NAALADL2: variants seen among roughly 807,000 people sequenced by gnomAD.
The protein encoded by NAALADL2 is inactive N-acetylated-alpha-linked acidic dipeptidase-like protein 2.
Under a neutral mutation model 87.2 loss-of-function variants are expected in NAALADL2, and 76 were observed. That is an observed-to-expected ratio of 0.87 (90% CI 0.72 to 1.05). The LOEUF is 1.05. Ranked by LOEUF, NAALADL2 falls within the 50% of genes least tolerant of loss-of-function variation. The pLI is 0.00. For synonymous variants in NAALADL2, 354 were observed against 331.0 expected, an observed-to-expected ratio of 1.07 and a Z score of -0.75; for missense variants, 1,089 against 945.8, an observed-to-expected ratio of 1.15 and a Z score of -1.99.
intron 10 of NAALADL2, among the ~76,000 whole-genome samples, chr3:175,626,824 T>A (rs1378537555): frequency 6.6e-6 from 1 of 151,888 alleles, no homozygotes; most frequent in Non-Finnish European, 1.5e-5. Context: ...ACACTCAGTA[T>A]ACTTCTAAGT....
At chr3:174,477,888 G>T (rs2108323176) in intron 1 of NAALADL2, among the ~76,000 whole-genome samples, 1 of 152,242 alleles carries the variant, frequency 6.6e-6, no homozygotes, top group Middle Eastern at 3.4e-3. Flanking sequence ...GTATTTCTAT[G>T]GGAACTGTTA....
In NAALADL2 at chr3:175,097,320, G is replaced by A. The variant is rs761609642; in HGVS notation, c.545+29G>A. On this transcript the variant is annotated intron_variant, in intron 2 of 13. Coordinates refer to ENST00000454872, the MANE Select transcript of NAALADL2 (RefSeq NM_207015.3). ...GGTGAAGAAGAAACAGATGTTGTTTGAATGCATTTCTTGGGAAAAATGTCT... is the reference window on the plus strand; with the variant it reads ...GGTGAAGAAGAAACAGATGTTGTTTAAATGCATTTCTTGGGAAAAATGTCT... 2.5e-6 allele frequency: 4 copies of A among 1,577,876 alleles called. No homozygotes were observed. The South Asian group carries it at 3.5e-5, about 14-fold the overall frequency.
chr3:175,373,076 CAACCA>C (rs1213349964), intron 5 of NAALADL2, among the ~76,000 whole-genome samples: 1 of 152,094 alleles, frequency 6.6e-6, no homozygotes, highest in Non-Finnish European at 1.5e-5. Context: ...ATTGAACATG[CAACCA>C]ATCAAAGCCA....
chr3:175,640,327 T>G (rs1357423235), intron 11 of NAALADL2, among the ~76,000 whole-genome samples: 1 of 152,198 alleles, frequency 6.6e-6, no homozygotes, highest in Non-Finnish European at 1.5e-5. Context: ...TATGTTAATT[T>G]ATCAGCAACC....
At chr3:175,612,952 C>T (rs1177811532) in intron 10 of NAALADL2, among the ~76,000 whole-genome samples, 1 of 152,028 alleles carries the variant, frequency 6.6e-6, no homozygotes, top group Non-Finnish European at 1.5e-5. Flanking sequence ...CACCTCTACC[C>T]CAGGGATAGC....
chr3:175,286,892 G>A (rs1339640500), intron 4 of NAALADL2, among the ~76,000 whole-genome samples: 1 of 151,338 alleles, frequency 6.6e-6, no homozygotes, highest in Non-Finnish European at 1.5e-5. Context: ...CTTGAGACCA[G>A]CCCGGGCAAC....
At chr3:175,754,108 A>G (rs1044021785) in intron 12 of NAALADL2, among the ~76,000 whole-genome samples, 5 of 152,162 alleles carry the variant, frequency 3.3e-5, no homozygotes, top group Admixed American at 6.5e-5. Flanking sequence ...GTGATTTTTA[A>G]AGAAGGTCTT....
intron 2 of NAALADL2, among the ~76,000 whole-genome samples, chr3:174,636,846 C>T (rs967116656): frequency 6.6e-6 from 1 of 152,104 alleles, no homozygotes; most frequent in Non-Finnish European, 1.5e-5. Flanking sequence ...AATACATCAG[C>T]ATGTCAAAGA....
intron 12 of NAALADL2, among the ~76,000 whole-genome samples, chr3:175,742,204 T>C (rs1745315470): frequency 6.6e-6 from 1 of 151,936 alleles, no homozygotes; most frequent in African/African-American, 2.4e-5. Flanking sequence ...GTCAGGGAGG[T>C]ATGTAGCTTG....
intron 8 of NAALADL2, among the ~76,000 whole-genome samples, 187 bp from the exon 9 acceptor site, chr3:175,471,452 G>A (rs1460619358): frequency 6.8e-6 from 1 of 147,672 alleles, no homozygotes; most frequent in East Asian, 2.0e-4. Context: ...TCCAGTCTGG[G>A]TGACAGAGCT....
chr3:174,520,478 T>A (rs1318051072), intron 1 of NAALADL2, among the ~76,000 whole-genome samples: 2 of 152,140 alleles, frequency 1.3e-5, no homozygotes, highest in African/African-American at 2.4e-5. Flanking sequence ...CTGTATTCAA[T>A]AAATGTTGCT....
intron 3 of NAALADL2, among the ~76,000 whole-genome samples, chr3:175,236,941 A>G (rs1746006778): frequency 1.3e-5 from 2 of 152,308 alleles, no homozygotes; most frequent in Middle Eastern, 3.4e-3. Flanking sequence ...CACTTCTGCA[A>G]TTAGATAGCC....
intron 3 of NAALADL2, among the ~76,000 whole-genome samples, chr3:174,821,370 C>T (rs185877562): frequency 3.9e-5 from 6 of 152,234 alleles, no homozygotes; most frequent in Admixed American, 3.9e-4. Flanking sequence ...TAGCTCTGTA[C>T]TTGGCATATA....
chr3:175,397,929 GTTA>G (rs1353838520), intron 5 of NAALADL2, among the ~76,000 whole-genome samples: 3 of 152,062 alleles, frequency 2.0e-5, no homozygotes, highest in Non-Finnish European at 4.4e-5. Context: ...TCCCTGCCAT[GTTA>G]TTAACACAGT....
intron 2 of NAALADL2, among the ~76,000 whole-genome samples, chr3:174,709,022 T>C (rs1730374699): frequency 6.6e-6 from 1 of 152,142 alleles, no homozygotes. Flanking sequence ...AATTATTTTA[T>C]ATTCCCCAAA....
At chr3:174,834,094 G>C (rs1442708941) in intron 3 of NAALADL2, among the ~76,000 whole-genome samples, 1 of 148,126 alleles carries the variant, frequency 6.8e-6, no homozygotes, top group Non-Finnish European at 1.5e-5. Flanking sequence ...AGTTTGAAAA[G>C]AAGCAAACTG....
intron 1 of NAALADL2, among the ~76,000 whole-genome samples, chr3:175,095,677 T>C (rs1159582666): frequency 3.3e-5 from 5 of 152,058 alleles, no homozygotes; most frequent in Admixed American, 3.3e-4. Context: ...TTTTATCTTT[T>C]TCATAGGAAT....
chr3:175,305,781 C>A (rs777912880), intron 4 of NAALADL2, among the ~76,000 whole-genome samples: 6 of 152,264 alleles, frequency 3.9e-5, no homozygotes, highest in Non-Finnish European at 7.4e-5. Flanking sequence ...CTCGGCCTCC[C>A]AAAGTGCTGG....
chr3:174,810,161 A>C (rs116669047), intron 3 of NAALADL2, among the ~76,000 whole-genome samples: 3,875 of 152,294 alleles, frequency 0.025, 184 homozygotes, highest in African/African-American at 0.087. Flanking sequence ...AGAATGGACT[A>C]ACACAGAAAA....
Sources: gnomAD v4.1 joint callset for allele counts (sites outside exome capture counted in the v4.1 genomes callset) on GRCh38, gnomAD v4.1.1 for gene constraint, MANE v1.5 for transcripts, NCBI Gene and HGNC (gene_info 2026-07-23, HGNC 2026-07-21) for gene names.